SEMA6D: variants seen among roughly 807,000 people sequenced by gnomAD.
SEMA6D encodes the protein semaphorin-6D.
SEMA6D carries 35 observed loss-of-function variants against 106.6 expected under a neutral mutation model. The observed-to-expected ratio is 0.33, with a 90% CI of 0.25 to 0.44. SEMA6D has a LOEUF of 0.44. SEMA6D is among the 20% of genes least tolerant of loss of function. The pLI, the probability that SEMA6D is intolerant of heterozygous loss-of-function variation, is 1.00. For synonymous variants in SEMA6D, 499 were observed against 487.7 expected, an observed-to-expected ratio of 1.02 and a Z score of -0.31; for missense variants, 1,185 against 1,345.9, an observed-to-expected ratio of 0.88 and a Z score of 1.87.
chr15:47,237,360 T>C (rs1209989972), intron 1 of SEMA6D, among the ~76,000 whole-genome samples: 1 of 152,190 alleles, frequency 6.6e-6, no homozygotes, highest in Non-Finnish European at 1.5e-5. Context: ...TTTAGGATTG[T>C]CTGGCAAACC....
chr15:47,502,305 C>T (rs1017592071), intron 3 of SEMA6D, among the ~76,000 whole-genome samples: 1 of 152,114 alleles, frequency 6.6e-6, no homozygotes, highest in Non-Finnish European at 1.5e-5. Context: ...GCCTTTGACC[C>T]GTGTCATTGA....
At chr15:47,640,090 TG>T (rs1290830615) in intron 4 of SEMA6D, among the ~76,000 whole-genome samples, 2 of 152,232 alleles carry the variant, frequency 1.3e-5, no homozygotes, top group African/African-American at 4.8e-5. Flanking sequence ...CAGGGGTATT[TG>T]GGAAGTCTCT....
Position 47,397,265 on chromosome 15 carries a change from G to T in SEMA6D, c.-238-15128G>T, listed in dbSNP as rs140663773. 2.0e-3 allele frequency among the ~76,000 whole-genome samples: 303 copies of T among 152,264 alleles called. 1 individual carries two copies. The highest frequency in any genetic ancestry group is 0.014 in the Middle Eastern group (4 of 294). Reference sequence around the variant, plus strand: ...GGTTCTGTGCTCATAGTAGAGGTCAGGCTAGAAATACCAATCAGAAATTAG... The same window carrying T: ...GGTTCTGTGCTCATAGTAGAGGTCATGCTAGAAATACCAATCAGAAATTAG... On this transcript the variant is annotated intron_variant, in intron 1 of 19. Transcript: ENST00000558014.
At position 47,770,883 on chromosome 15, in the gene SEMA6D, C is replaced by G; in HGVS notation, c.2320C>G (p.Pro774Ala). Residue 774 changes from proline (P) to alanine (A), a missense_variant, in exon 19 of 19, where the codon CCT becomes GCT. Around this residue, in one of 3 missense-constraint regions of SEMA6D, gnomAD observed 750 missense variants for 783.5 expected, o/e 0.96. Coordinates refer to ENST00000536845, the MANE Select transcript of SEMA6D (RefSeq NM_001358351.3). ...QPPELAALPT[P>A]ESTPVLHQKT... ...TCCAGAGTTGGCTGCTCTTCCTACT[C>G]CTGAGTCTACACCCGTGCTTCACCA... The G allele has an allele frequency of 6.2e-7, 1 of 1,613,924 alleles. No homozygotes were observed. The highest frequency in any genetic ancestry group is 8.5e-7 in the Non-Finnish European group (1 of 1,179,958).
chr15:47,409,799 T>C lies in SEMA6D; in HGVS notation c.-238-2594T>C, dbSNP rs531603790. On this transcript the variant is annotated intron_variant, in intron 1 of 19. Coordinates refer to the SEMA6D transcript ENST00000558014. ...GTTGAGTCATAGTCCACCTTAAAAATCTGATGCAAGCCCTGGACATGCTGG... is the reference window on the plus strand; with the variant it reads ...GTTGAGTCATAGTCCACCTTAAAAACCTGATGCAAGCCCTGGACATGCTGG... Among the ~76,000 whole-genome samples, 21 of 151,674 alleles carry C rather than the reference T, an allele frequency of 1.4e-4. No homozygotes were observed. In the South Asian group the frequency reaches 4.0e-3, roughly 29 times the overall value.
chr15:47,761,189 G>A lies in SEMA6D; in HGVS notation c.314G>A (p.Arg105Gln), dbSNP rs781098399. 3.5e-5 allele frequency: 56 copies of A among 1,613,644 alleles called. No homozygotes were observed. The highest frequency in any genetic ancestry group is 3.9e-5 in the Non-Finnish European group (46 of 1,179,826). The change falls in exon 5 of 19, where the codon CGA (arginine) becomes CAA (glutamine). Residue 105 changes from arginine to glutamine, a missense_variant. Arg to Gln is a conservative substitution (Grantham distance 43). Coordinates refer to ENST00000536845, the MANE Select transcript of SEMA6D (RefSeq NM_001358351.3). ...ACATGGCGATCAAGACAACAGGATC[G>A]AGAAAACTGTGCTATGAAAGGCAAG... is the stretch of plus-strand genomic sequence containing the variant. ...KLTWRSRQQD[R>Q]ENCAMKGKHK...
chr15:47,452,562 C>G, intron 2 of SEMA6D, among the ~76,000 whole-genome samples: 1 of 151,824 alleles, frequency 6.6e-6, no homozygotes, highest in East Asian at 1.9e-4. Context: ...TTTCTTTTAT[C>G]ATAAAAAATA....
intron 1 of SEMA6D, among the ~76,000 whole-genome samples, chr15:47,374,144 G>A (rs1386651800): frequency 6.6e-6 from 1 of 152,146 alleles, no homozygotes; most frequent in Non-Finnish European, 1.5e-5. Flanking sequence ...TATTAAGTAC[G>A]TATGTTAATA....
At chr15:47,723,664 G>T (rs150832446) in intron 1 of SEMA6D, among the ~76,000 whole-genome samples, 82 of 152,096 alleles carry the variant, frequency 5.4e-4, no homozygotes, top group African/African-American at 1.9e-3. Context: ...TCTCTCTCAT[G>T]CATCAGCATT....
chr15:47,467,359 G>A (rs2042695177), intron 2 of SEMA6D, among the ~76,000 whole-genome samples: 1 of 152,132 alleles, frequency 6.6e-6, no homozygotes, highest in Non-Finnish European at 1.5e-5. Flanking sequence ...TCTGGTTGGG[G>A]CCAAGGAAAT....
At chr15:47,711,201 T>G (rs1340123100) in intron 4 of SEMA6D, among the ~76,000 whole-genome samples, 1 of 147,514 alleles carries the variant, frequency 6.8e-6, no homozygotes, top group Non-Finnish European at 1.5e-5. Context: ...TCCCAGCTAC[T>G]TGGGAGGCTG....
At chr15:47,209,329 C>A (rs1895327784) in intron 1 of SEMA6D, among the ~76,000 whole-genome samples, 2 of 152,016 alleles carry the variant, frequency 1.3e-5, no homozygotes, top group Non-Finnish European at 2.9e-5. Flanking sequence ...AAAATGCTTC[C>A]AAAATATTTT....
chr15:47,494,766 A>ATG (rs1432114358), intron 3 of SEMA6D, among the ~76,000 whole-genome samples: 2 of 98,478 alleles, frequency 2.0e-5, no homozygotes, highest in Non-Finnish European at 4.2e-5. Flanking sequence ...ATATATATAT[A>ATG]TATATATATA....
chr15:47,341,692 GTC>G (rs2037817661), intron 1 of SEMA6D, among the ~76,000 whole-genome samples: 1 of 152,108 alleles, frequency 6.6e-6, no homozygotes, highest in African/African-American at 2.4e-5. Flanking sequence ...GAAAGAATCT[GTC>G]TGTCGTGATT....
intron 1 of SEMA6D, among the ~76,000 whole-genome samples, chr15:47,210,593 C>T (rs1221043660): frequency 2.0e-5 from 3 of 151,684 alleles, no homozygotes; most frequent in Admixed American, 6.6e-5. Flanking sequence ...AGTGAAACCC[C>T]GTCTCTACTA....
intron 1 of SEMA6D, among the ~76,000 whole-genome samples, chr15:47,304,138 C>G (rs547533160): frequency 6.6e-6 from 1 of 152,130 alleles, no homozygotes; most frequent in South Asian, 2.1e-4. Flanking sequence ...CTTAGTTATA[C>G]TATAAGTAGC....
intron 1 of SEMA6D, among the ~76,000 whole-genome samples, chr15:47,358,806 T>A (rs1457134470): frequency 6.6e-6 from 1 of 152,210 alleles, no homozygotes; most frequent in African/African-American, 2.4e-5. Context: ...TACAGCTGTT[T>A]CATGCACAGG....
At chr15:47,657,719 C>CTTTTTTTTTTTTTTTTTTTTTTTTTT in intron 4 of SEMA6D, among the ~76,000 whole-genome samples, 1 of 54,674 alleles carries the variant, frequency 1.8e-5, no homozygotes, top group Non-Finnish European at 3.2e-5. Context: ...GGCTTCATTT[C>CTTTTTTTTTTTTTTTTTTTTTTTTTT]TTTTTTTTTT....
At chr15:47,278,332 G>A (rs1361510938) in intron 1 of SEMA6D, among the ~76,000 whole-genome samples, 1 of 152,198 alleles carries the variant, frequency 6.6e-6, no homozygotes, top group Non-Finnish European at 1.5e-5. Context: ...GTATCTCATT[G>A]TGGTTTTGAT....
Sources: gnomAD v4.1 joint callset for allele counts (sites outside exome capture counted in the v4.1 genomes callset) on GRCh38, gnomAD v4.1.1 for gene constraint, gnomAD v4.1.1 regional missense constraint, MANE v1.5 for transcripts, NCBI Gene and HGNC (gene_info 2026-07-23, HGNC 2026-07-21) for gene names.